The following CSF2RA variants were observed in gnomAD, a reference collection of about 807,000 sequenced individuals.
CSF2RA encodes the protein granulocyte-macrophage colony-stimulating factor receptor subunit alpha.
Under a neutral mutation model 51.6 loss-of-function variants are expected in CSF2RA, and 42 were observed. The observed-to-expected ratio is 0.81, with a 90% CI of 0.64 to 1.05. CSF2RA has a LOEUF of 1.05. Ranked by LOEUF, CSF2RA falls within the 50% of genes least tolerant of loss-of-function variation. The pLI is 0.00. For missense variants in CSF2RA, 530 were observed against 501.1 expected (o/e 1.06, Z -0.55); for synonymous variants, 222 against 193.0 (o/e 1.15, Z -1.24).
chrX:1,273,856 C>T (rs1467480929), intron 1 of CSF2RA, among the ~76,000 whole-genome samples: 1 of 151,836 alleles, frequency 6.6e-6, no homozygotes, highest in Non-Finnish European at 1.5e-5. Flanking sequence ...CCTCGGCCTC[C>T]CGAAGTGCTG....
downstream of CSF2RA, among the ~76,000 whole-genome samples, chrX:1,314,547 C>CCACTGCACCTGCCCAACCG (rs2084412064): frequency 2.1e-5 from 1 of 47,830 alleles, no homozygotes. Context: ...CTGCCCAATC[C>CCACTGCACCTGCCCAACCG]CACTGCACCT....
intron 2 of CSF2RA, among the ~76,000 whole-genome samples, chrX:1,280,508 AT>A (rs2089773450): frequency 6.6e-6 from 1 of 151,588 alleles, no homozygotes; most frequent in Admixed American, 6.6e-5. Flanking sequence ...AAGAAAAGAA[AT>A]ACATTAGTTT....
chrX:1,281,182 TTCTCCTTCTCCTCCTTCTCCTA>T (rs1569494821), intron 2 of CSF2RA, among the ~76,000 whole-genome samples: 36 of 121,054 alleles, frequency 3.0e-4, no homozygotes, highest in Non-Finnish European at 4.8e-4. Context: ...CTTCTCCTCC[TTCTCCTTCTCCTCCTTCTCCTA>T]CTCCTCCTTC....
chrX:1,290,945 A>G (rs2091337097), intron 7 of CSF2RA, among the ~76,000 whole-genome samples: 1 of 152,050 alleles, frequency 6.6e-6, no homozygotes, highest in South Asian at 2.1e-4. Flanking sequence ...TTTTTGAGAT[A>G]GAGTCTCGCT....
At chrX:1,307,248 G>C (rs1165647766) in intron 12 of CSF2RA, among the ~76,000 whole-genome samples, 5 of 152,170 alleles carry the variant, frequency 3.3e-5, no homozygotes, top group African/African-American at 4.8e-5. Flanking sequence ...TAAAACTCTT[G>C]TCGGGGAACC....
At chrX:1,323,882 T>C in the CSF2RA span, among the ~76,000 whole-genome samples, 3,016 of 151,568 alleles carry the variant, frequency 0.02, 84 homozygotes, top group African/African-American at 0.065. Context: ...GGCGTGGTGG[T>C]GGGCGCCTGT....
rs752329063 is a variant in CSF2RA, at chrX:1,300,626, G to C, written c.946G>C (p.Gly316Arg). The C allele has an allele frequency of 1.2e-6, 2 of 1,613,906 alleles. No individual in the cohort carries two copies. Among genetic ancestry groups the C allele is most frequent in the African/African-American group, 1.3e-5 (1 of 75,040 alleles). Residue 316 changes from glycine to arginine, a missense_variant and splice_region_variant, in exon 10 of 13, where the codon GGT becomes CGT. Transcript: ENST00000381529. The part of the protein sequence containing the change: ...WSSWSEAIEF[G>R]SDDGNLGSVY... ...CTCCTGGAGTGAAGCCATTGAATTT[G>C]GTAAGCGTTGGGCGGAGGTAAGGGA...
the CSF2RA span, among the ~76,000 whole-genome samples, chrX:1,318,785 C>T: frequency 4.7e-5 from 7 of 150,258 alleles, no homozygotes; most frequent in African/African-American, 1.2e-4. Context: ...GGCATGGTGG[C>T]GGGCACCTGT....
At chrX:1,280,738 T>C (rs1290452287) in intron 2 of CSF2RA, among the ~76,000 whole-genome samples, 1 of 149,378 alleles carries the variant, frequency 6.7e-6, no homozygotes, top group Non-Finnish European at 1.5e-5. Flanking sequence ...TTCCTCCTCC[T>C]TCTCCTCCTC....
the CSF2RA span, among the ~76,000 whole-genome samples, chrX:1,322,448 T>G: frequency 2.0e-5 from 3 of 149,036 alleles, no homozygotes; most frequent in African/African-American, 2.5e-5. Flanking sequence ...TGTTTTTTTT[T>G]TTTTTTTTTT....
chrX:1,283,150 C>T lies in CSF2RA; in HGVS notation c.76+371C>T, dbSNP rs2090243087. 6.5e-5 allele frequency among the ~76,000 whole-genome samples: 5 copies of T among 76,580 alleles called. No homozygotes were observed. The Admixed American group carries it at 9.6e-4, about 15-fold the overall frequency. The allele number at this position is 76,580 out of a possible 152,430, so 50.2% of individuals were successfully genotyped here. ...TCCTTCCTTCCTTCCTTCCTTCCTT[C>T]CTTCGTTCCTTCCTTCGTTCCTTCC... is the stretch of plus-strand genomic sequence containing the variant. On this transcript the variant is annotated intron_variant, in intron 3 of 12. Coordinates refer to ENST00000381529, the MANE Select transcript of CSF2RA (RefSeq NM_172245.4).
chrX:1,300,204 G>C (rs2092277195), intron 9 of CSF2RA: 1 of 318,222 alleles, frequency 3.1e-6, no homozygotes. Context: ...GGGTGACAGA[G>C]GGAGACTCCG....
chrX:1,314,301 CTCTG>C (rs1569514751), downstream of CSF2RA, among the ~76,000 whole-genome samples: 47 of 108,444 alleles, frequency 4.3e-4, 1 homozygote, highest in Middle Eastern at 8.8e-3. Flanking sequence ...TGCCCAACCA[CTCTG>C]TGCCTGCCCA....
At chrX:1,316,777 CAAGTTCCCTA>C in the CSF2RA span, among the ~76,000 whole-genome samples, 3 of 152,212 alleles carry the variant, frequency 2.0e-5, no homozygotes, top group African/African-American at 7.2e-5. Context: ...CCGTGGGGAG[CAAGTTCCCTA>C]ATTCTGTCTT....
the CSF2RA span, among the ~76,000 whole-genome samples, chrX:1,316,045 C>CAGATAGATCAATAGAT: frequency 1.4e-4 from 8 of 58,198 alleles, no homozygotes; most frequent in Non-Finnish European, 1.8e-4. Flanking sequence ...GACCAATAGA[C>CAGATAGATCAATAGAT]AGATAGATAG....
intron 1 of CSF2RA, among the ~76,000 whole-genome samples, chrX:1,273,271 GA>G (rs368445683): frequency 0.48 from 72,811 of 151,026 alleles, 18,580 homozygotes; most frequent in Non-Finnish European, 0.58. Context: ...ACAAGACAGA[GA>G]AAAAAAACAA....
chrX:1,294,595 C>A, intron 8 of CSF2RA, 134 bp downstream of exon 8: 1 of 1,195,372 alleles, frequency 8.4e-7, no homozygotes, highest in Non-Finnish European at 1.2e-6. Flanking sequence ...CTGGGGTGAA[C>A]GCACTTCGGG....
intron 1 of CSF2RA, among the ~76,000 whole-genome samples, chrX:1,273,891 C>T (rs1438467930): frequency 1.3e-5 from 2 of 151,924 alleles, no homozygotes; most frequent in African/African-American, 4.8e-5. Context: ...AGTCACCGCG[C>T]CCGGCATGAA....
At chrX:1,319,513 T>A in the CSF2RA span, among the ~76,000 whole-genome samples, 4 of 142,518 alleles carry the variant, frequency 2.8e-5, no homozygotes, top group Non-Finnish European at 6.2e-5. Context: ...GTCTCCAACT[T>A]CTGGCCTCAA....
Sources: allele counts gnomAD v4.1 joint callset (sites outside exome capture counted in the v4.1 genomes callset), GRCh38; gene constraint gnomAD v4.1.1; transcripts MANE v1.5; gene names NCBI Gene and HGNC (gene_info 2026-07-23, HGNC 2026-07-21).